Variants in KHDRBS2 observed in about 807,000 individuals in gnomAD.
The protein encoded by KHDRBS2 is KH RNA binding domain containing, signal transduction associated 2.
KHDRBS2 carries 26 observed loss-of-function variants against 44.3 expected under a neutral mutation model. The ratio of observed to expected loss-of-function variants is 0.59; its 90% confidence interval spans 0.43 to 0.81. The LOEUF (loss-of-function observed/expected upper bound fraction) is 0.81, where lower values mean the gene tolerates loss of function less well. KHDRBS2 is among the 40% of genes least tolerant of loss of function. The probability of loss-of-function intolerance (pLI) is 0.00; values close to 1 mark genes in which losing one functional copy is unlikely to be tolerated. For missense variants in KHDRBS2, 476 were observed against 433.1 expected, an observed-to-expected ratio of 1.10 and a Z score of -0.88; for synonymous variants, 194 against 151.1, an observed-to-expected ratio of 1.28 and a Z score of -2.08.
chr6:61,661,883 A>G, the KHDRBS2 span, among the ~76,000 whole-genome samples: 1 of 152,066 alleles, frequency 6.6e-6, no homozygotes, highest in Admixed American at 6.6e-5. Flanking sequence ...TATTCACAGA[A>G]TTGGGAAAAG....
At chr6:62,116,562 G>A (rs1355096173) in intron 2 of KHDRBS2, among the ~76,000 whole-genome samples, 1 of 152,038 alleles carries the variant, frequency 6.6e-6, no homozygotes, top group Non-Finnish European at 1.5e-5. Context: ...TCAATTCAAG[G>A]TAATTAGAAT....
At chr6:62,081,804 T>G (rs1249292247) in intron 2 of KHDRBS2, among the ~76,000 whole-genome samples, 1 of 152,072 alleles carries the variant, frequency 6.6e-6, no homozygotes, top group Non-Finnish European at 1.5e-5. Flanking sequence ...TGTTAAAATT[T>G]TTTAGATGTT....
intron 7 of KHDRBS2, among the ~76,000 whole-genome samples, chr6:61,714,576 C>T (rs565956804): frequency 2.0e-5 from 3 of 151,586 alleles, no homozygotes; most frequent in African/African-American, 7.3e-5. Flanking sequence ...TTTATATATA[C>T]GTATAAAAAA....
intron 6 of KHDRBS2, among the ~76,000 whole-genome samples, chr6:61,787,315 C>A (rs1454357726): frequency 6.6e-6 from 1 of 151,482 alleles, no homozygotes; most frequent in African/African-American, 2.4e-5. Context: ...AAAGGGTGTC[C>A]ATCTCTATTT....
chr6:61,912,329 T>C (rs1016921974), intron 4 of KHDRBS2, among the ~76,000 whole-genome samples: 1 of 152,198 alleles, frequency 6.6e-6, no homozygotes, highest in Non-Finnish European at 1.5e-5. Flanking sequence ...CACAGATTTA[T>C]ATTTAGAAGA....
At chr6:62,070,257 T>A (rs1247286129) in intron 2 of KHDRBS2, among the ~76,000 whole-genome samples, 2 of 151,616 alleles carry the variant, frequency 1.3e-5, no homozygotes, top group Admixed American at 1.3e-4. Context: ...TGATATATAG[T>A]TTTCTTTTTC....
chr6:61,977,337 T>A (rs1772884500), intron 4 of KHDRBS2, among the ~76,000 whole-genome samples: 1 of 152,168 alleles, frequency 6.6e-6, no homozygotes. Flanking sequence ...TTTGAATGAC[T>A]TCTTCCTAGA....
the KHDRBS2 span, among the ~76,000 whole-genome samples, chr6:61,547,827 C>T: frequency 0.044 from 6,704 of 152,222 alleles, 152 homozygotes; most frequent in East Asian, 0.086. Flanking sequence ...ATTTTATATG[C>T]ATTCTTCTTC....
intron 6 of KHDRBS2, among the ~76,000 whole-genome samples, chr6:61,846,150 G>A (rs917150439): frequency 1.3e-5 from 2 of 152,140 alleles, no homozygotes; most frequent in African/African-American, 4.8e-5. Context: ...CACCTGTACA[G>A]CCTGCAGAAC....
chr6:61,543,738 G>T, the KHDRBS2 span, among the ~76,000 whole-genome samples: 1 of 152,014 alleles, frequency 6.6e-6, no homozygotes, highest in Non-Finnish European at 1.5e-5. Context: ...CAAACATGTG[G>T]TACATATACA....
the KHDRBS2 span, among the ~76,000 whole-genome samples, chr6:61,635,452 G>T: frequency 6.6e-6 from 1 of 152,022 alleles, no homozygotes; most frequent in Non-Finnish European, 1.5e-5. Context: ...TTTTTAGAGG[G>T]AATGAACAGT....
At chr6:61,821,621 A>G (rs1321317939) in intron 6 of KHDRBS2, among the ~76,000 whole-genome samples, 1 of 152,008 alleles carries the variant, frequency 6.6e-6, no homozygotes, top group Non-Finnish European at 1.5e-5. Flanking sequence ...CTATGTTCCC[A>G]CTACGCATCT....
At chr6:61,941,349 A>G (rs1183645067) in intron 4 of KHDRBS2, among the ~76,000 whole-genome samples, 1 of 152,128 alleles carries the variant, frequency 6.6e-6, no homozygotes, top group African/African-American at 2.4e-5. Flanking sequence ...TGACAATGAC[A>G]TTGCTAATTC....
At chr6:61,896,199 G>T (rs1802908198) in intron 5 of KHDRBS2, among the ~76,000 whole-genome samples, 1 of 152,148 alleles carries the variant, frequency 6.6e-6, no homozygotes, top group Non-Finnish European at 1.5e-5. Context: ...TCATAAGCAA[G>T]ATGAGCATAT....
At chr6:61,545,894 C>G in the KHDRBS2 span, among the ~76,000 whole-genome samples, 3 of 152,010 alleles carry the variant, frequency 2.0e-5, no homozygotes, top group Admixed American at 6.6e-5. Context: ...AGAAGGCAGC[C>G]GTCTTCAACC....
the KHDRBS2 span, among the ~76,000 whole-genome samples, chr6:61,621,388 A>T: frequency 2.6e-5 from 4 of 152,342 alleles, no homozygotes; most frequent in South Asian, 6.2e-4. Context: ...GTGGGTAGCA[A>T]GTAGTTAATA....
At chr6:61,858,980 A>T (rs976836879) in intron 6 of KHDRBS2, among the ~76,000 whole-genome samples, 53 of 151,952 alleles carry the variant, frequency 3.5e-4, no homozygotes, top group African/African-American at 1.2e-3. Context: ...AAAATATGGA[A>T]CAAACAGAAG....
At chr6:62,191,760 C>T (rs1429686617) in intron 1 of KHDRBS2, among the ~76,000 whole-genome samples, 1 of 152,046 alleles carries the variant, frequency 6.6e-6, no homozygotes, top group Non-Finnish European at 1.5e-5. Context: ...AGAAAACTTA[C>T]ATTTATTTCC....
At chr6:62,001,840 G>A (rs777037194) in intron 3 of KHDRBS2, among the ~76,000 whole-genome samples, 1 of 152,046 alleles carries the variant, frequency 6.6e-6, no homozygotes, top group Non-Finnish European at 1.5e-5. Flanking sequence ...AATTTTCTTT[G>A]TGCTTACTAC....
Sources: allele counts gnomAD v4.1 joint callset (sites outside exome capture counted in the v4.1 genomes callset), GRCh38; gene constraint gnomAD v4.1.1; transcripts MANE v1.5; gene names NCBI Gene and HGNC (gene_info 2026-07-23, HGNC 2026-07-21).